Variants in ARHGEF10 observed in about 807,000 individuals in gnomAD.
ARHGEF10 encodes Rho guanine nucleotide exchange factor 10.
ARHGEF10 carries 140 observed loss-of-function variants against 147.4 expected under a neutral mutation model. That is an observed-to-expected ratio of 0.95 (90% confidence interval 0.83 to 1.09). The LOEUF is 1.09. Among genes scored for constraint, ARHGEF10 ranks in the 50% least tolerant of loss-of-function variants. ARHGEF10 has a pLI of 0.00. For missense variants in ARHGEF10, 2,222 were observed against 1,752.7 expected (o/e 1.27, Z -4.78); for synonymous variants, 902 against 695.8 (o/e 1.30, Z -4.67).
rs201123598 is a variant in ARHGEF10, at chr8:1,905,598, A to T, written c.1849A>T (p.Ile617Phe). ...KLLSSGSRYL[I>F]RSDDMIETVY... is the part of the protein sequence containing the mutation. ...TCTCAGCAGTGGAAGCCGATACCTC[A>T]TTCGATCAGATGATATGATAGAAAC... The change falls in exon 17 of 29, where the codon ATT becomes TTT. Residue 617 changes from isoleucine (I) to phenylalanine (F), a missense_variant. By Grantham distance (21) the Ile-to-Phe change is conservative (BLOSUM62 0). Coordinates refer to ENST00000349830, the MANE Select transcript of ARHGEF10 (RefSeq NM_014629.4). 1 of 1,614,086 alleles carries T rather than the reference A, an allele frequency of 6.2e-7. No homozygotes were observed. Among genetic ancestry groups the T allele is most frequent in the African/African-American group, 1.3e-5 (1 of 74,932 alleles).
chr8:1,894,903 T>G (rs926694793), intron 13 of ARHGEF10, among the ~76,000 whole-genome samples: 1 of 152,214 alleles, frequency 6.6e-6, no homozygotes, highest in Admixed American at 6.5e-5. Flanking sequence ...AAGGATGCCG[T>G]GTGTTTGGCA....
At chr8:1,897,086 G>A (rs1343766706) in intron 14 of ARHGEF10, among the ~76,000 whole-genome samples, 1 of 152,246 alleles carries the variant, frequency 6.6e-6, no homozygotes, top group African/African-American at 2.4e-5. Flanking sequence ...AAAGACGTCG[G>A]CGGAACTGAG....
chr8:1,839,651 C>A (rs1374888608), intron 1 of ARHGEF10, among the ~76,000 whole-genome samples: 1 of 102,954 alleles, frequency 9.7e-6, no homozygotes, highest in African/African-American at 4.3e-5. Flanking sequence ...GGGGACTGTC[C>A]GCTGTGGGTA....
intron 2 of ARHGEF10, among the ~76,000 whole-genome samples, chr8:1,850,452 TG>T (rs1805039122): frequency 6.8e-6 from 1 of 145,988 alleles, no homozygotes. Context: ...GAGGAGGGTG[TG>T]GGGCAACCGC....
rs1028343197 is a variant in ARHGEF10 at position 1,957,256 on chromosome 8, A to G, written c.4028A>G (p.Asn1343Ser). The change falls in exon 29 of 29, where the codon AAT (asparagine) becomes AGT (serine). Residue 1343 changes from asparagine to serine, a missense_variant. Coordinates refer to ENST00000349830, the MANE Select transcript of ARHGEF10 (RefSeq NM_014629.4). ...TVMVWQIPLL[N>S]I The stretch of plus-strand genomic sequence containing the variant: ...ATGGTCTGGCAGATCCCTCTGCTGA[A>G]TATATAAGCAGGACGGCCGCCTTCT... The G allele has an allele frequency of 6.2e-7, 1 of 1,610,056 alleles. No individual in the cohort carries two copies. The highest frequency in any genetic ancestry group is 8.5e-7 in the Non-Finnish European group (1 of 1,179,596).
At chr8:1,904,660 A>G (rs1027192655) in intron 16 of ARHGEF10, among the ~76,000 whole-genome samples, 2 of 152,158 alleles carry the variant, frequency 1.3e-5, no homozygotes, top group African/African-American at 4.8e-5. Flanking sequence ...GATGCTTCGC[A>G]CTGAATGTCA....
intron 17 of ARHGEF10, 136 bp from the exon 18 acceptor site, chr8:1,909,159 A>C: frequency 7.7e-7 from 1 of 1,290,662 alleles, no homozygotes; most frequent in Non-Finnish European, 1.1e-6. Context: ...TCAGAAGCAC[A>C]ATTACTATTG....
At chr8:1,894,193 G>A (rs1360459984) in intron 12 of ARHGEF10, among the ~76,000 whole-genome samples, 200 bp from the exon 13 acceptor site, 1 of 148,760 alleles carries the variant, frequency 6.7e-6, no homozygotes, top group Non-Finnish European at 1.5e-5. Context: ...AAAGAAAAAT[G>A]TCTGAAGCAG....
At chr8:1,872,983 A>G (rs1000093154) in intron 7 of ARHGEF10, among the ~76,000 whole-genome samples, 1 of 152,218 alleles carries the variant, frequency 6.6e-6, no homozygotes, top group Non-Finnish European at 1.5e-5. Context: ...GGGGTAATTT[A>G]TCCGGTCGCT....
intron 15 of ARHGEF10, among the ~76,000 whole-genome samples, chr8:1,901,088 G>C (rs1271774594): frequency 6.6e-6 from 1 of 152,154 alleles, no homozygotes; most frequent in East Asian, 1.9e-4. Flanking sequence ...AAACAAGGTG[G>C]TGTCTGTGTC....
chr8:1,875,370 G>A (rs549641658), intron 7 of ARHGEF10, among the ~76,000 whole-genome samples: 49 of 152,208 alleles, frequency 3.2e-4, no homozygotes, highest in Admixed American at 5.2e-4. Context: ...TAGACCCTCC[G>A]CTCTTGGGCA....
chr8:1,826,195 GGTGAA>G (rs1334244472), intron 1 of ARHGEF10: 17 of 1,465,690 alleles, frequency 1.2e-5, no homozygotes, highest in Non-Finnish European at 1.5e-5. Context: ...GACAGTTGGG[GGTGAA>G]GTGAAGTTAA....
intron 1 of ARHGEF10, among the ~76,000 whole-genome samples, chr8:1,826,687 G>C (rs1377478199): frequency 6.6e-6 from 1 of 152,232 alleles, no homozygotes; most frequent in Non-Finnish European, 1.5e-5. Flanking sequence ...TTCTGTAAGC[G>C]ATGTGAAAAC....
At chr8:1,853,718 G>C (rs538420846) in intron 2 of ARHGEF10, among the ~76,000 whole-genome samples, 1 of 152,218 alleles carries the variant, frequency 6.6e-6, no homozygotes, top group Non-Finnish European at 1.5e-5. Context: ...TTGCAGGCCG[G>C]AAGTCCCAGG....
At chr8:1,956,167 G>A (rs1214535736) in intron 28 of ARHGEF10, among the ~76,000 whole-genome samples, 1 of 152,202 alleles carries the variant, frequency 6.6e-6, no homozygotes, top group Non-Finnish European at 1.5e-5. Flanking sequence ...GCTGTGTGTG[G>A]CTTTAAGAAG....
chr8:1,925,556 A>C, intron 22 of ARHGEF10, 152 bp downstream of exon 22: 1 of 1,149,996 alleles, frequency 8.7e-7, no homozygotes, highest in Non-Finnish European at 1.2e-6. Flanking sequence ...TTTATCTGGA[A>C]ATAAGACTGC....
At chr8:1,926,138 G>C (rs755802861) in intron 22 of ARHGEF10, among the ~76,000 whole-genome samples, 1 of 152,188 alleles carries the variant, frequency 6.6e-6, no homozygotes, top group Non-Finnish European at 1.5e-5. Flanking sequence ...TGTGCTGATG[G>C]GATCTAAAGA....
chr8:1,833,596 C>T (rs1803403438), intron 1 of ARHGEF10, among the ~76,000 whole-genome samples: 2 of 152,222 alleles, frequency 1.3e-5, no homozygotes, highest in African/African-American at 4.8e-5. Flanking sequence ...CCCCCACCCC[C>T]AGGATGCTCA....
intron 21 of ARHGEF10, among the ~76,000 whole-genome samples, chr8:1,925,054 G>C (rs1033008990): frequency 6.6e-6 from 1 of 152,188 alleles, no homozygotes; most frequent in African/African-American, 2.4e-5. Context: ...AACAGGGAGA[G>C]GTCCCTGCCA....
Sources: allele counts gnomAD v4.1 joint callset (sites outside exome capture counted in the v4.1 genomes callset), GRCh38; gene constraint gnomAD v4.1.1; transcripts MANE v1.5; gene names NCBI Gene and HGNC (gene_info 2026-07-23, HGNC 2026-07-21).